Variants in C12orf42 observed in about 807,000 individuals in gnomAD.
The protein encoded by C12orf42 is uncharacterized protein C12orf42.
Under a neutral mutation model 21.6 loss-of-function variants are expected in C12orf42, and 25 were observed. The observed-to-expected ratio is 1.16, with a 90% CI of 0.84 to 1.62. The LOEUF (loss-of-function observed/expected upper bound fraction) is 1.62. Among genes scored for constraint, C12orf42 ranks in the 40% most tolerant of loss-of-function variants. The pLI is 0.00. For synonymous variants in C12orf42, 174 were observed against 175.0 expected (o/e 0.99, Z 0.05); for missense variants, 483 against 459.3 (o/e 1.05, Z -0.47).
At chr12:103,551,038 A>C in the C12orf42 span, among the ~76,000 whole-genome samples, 1 of 152,042 alleles carries the variant, frequency 6.6e-6, no homozygotes, top group Admixed American at 6.5e-5. Context: ...TGTTATTTTT[A>C]TATTTAAAAT....
chr12:103,230,302 AT>A, the C12orf42 span, among the ~76,000 whole-genome samples: 34 of 147,842 alleles, frequency 2.3e-4, no homozygotes, highest in Admixed American at 2.7e-4. Flanking sequence ...TGTTGGAAGA[AT>A]TTTTTTTTTT....
the C12orf42 span, among the ~76,000 whole-genome samples, chr12:103,523,902 A>T: frequency 6.6e-6 from 1 of 151,924 alleles, no homozygotes; most frequent in Admixed American, 6.5e-5. Flanking sequence ...TAAGATCAGG[A>T]TGGAGGCCTG....
chr12:103,224,772 A>G, the C12orf42 span, among the ~76,000 whole-genome samples: 3 of 152,324 alleles, frequency 2.0e-5, no homozygotes, highest in African/African-American at 7.2e-5. Flanking sequence ...CACTGCACAC[A>G]GACATGAGGG....
At chr12:103,116,725 C>T in the C12orf42 span, among the ~76,000 whole-genome samples, 1 of 152,146 alleles carries the variant, frequency 6.6e-6, no homozygotes, top group Non-Finnish European at 1.5e-5. Flanking sequence ...CACTGAGTCT[C>T]ATTAGGTTCT....
chr12:103,223,499 A>T, the C12orf42 span, among the ~76,000 whole-genome samples: 1 of 152,232 alleles, frequency 6.6e-6, no homozygotes, highest in Admixed American at 6.5e-5. Flanking sequence ...GAGATTCAGC[A>T]TAGTCCTGCC....
At chr12:103,195,557 T>A in the C12orf42 span, among the ~76,000 whole-genome samples, 6 of 152,190 alleles carry the variant, frequency 3.9e-5, no homozygotes, top group African/African-American at 1.4e-4. Context: ...ATGTTAAGCA[T>A]GTTTTCATAT....
chr12:103,367,918 A>G (rs912662702), intron 4 of C12orf42: 28 of 461,788 alleles, frequency 6.1e-5, no homozygotes, highest in African/African-American at 5.5e-4. Context: ...TGATATGAAT[A>G]CATATGTAAT....
chr12:103,401,325 T>C (rs910084274), intron 3 of C12orf42, among the ~76,000 whole-genome samples: 11 of 152,188 alleles, frequency 7.2e-5, no homozygotes, highest in Non-Finnish European at 1.0e-4. Flanking sequence ...AGACCCCTAA[T>C]GCACTGTGAT....
chr12:103,282,044 TATGA>T (rs2036174001), intron 4 of C12orf42, among the ~76,000 whole-genome samples: 1 of 152,224 alleles, frequency 6.6e-6, no homozygotes, highest in Non-Finnish European at 1.5e-5. Flanking sequence ...TCTCGAGTTA[TATGA>T]ACCAATAACC....
the C12orf42 span, among the ~76,000 whole-genome samples, chr12:103,501,478 G>A: frequency 6.6e-6 from 1 of 152,226 alleles, no homozygotes; most frequent in South Asian, 2.1e-4. Context: ...TGATGTTAGT[G>A]AGCGCAGAGT....
At chr12:103,369,437 C>T (rs1407589965) in intron 3 of C12orf42, among the ~76,000 whole-genome samples, 1 of 150,894 alleles carries the variant, frequency 6.6e-6, no homozygotes, top group Non-Finnish European at 1.5e-5. Context: ...CATTTTCATA[C>T]AGGGTGATAC....
At chr12:103,191,702 C>G in the C12orf42 span, among the ~76,000 whole-genome samples, 1 of 147,816 alleles carries the variant, frequency 6.8e-6, no homozygotes, top group South Asian at 2.1e-4. Flanking sequence ...GAGATTGCAC[C>G]ACTGTACCCC....
chr12:103,555,204 G>GA, the C12orf42 span, among the ~76,000 whole-genome samples: 1 of 152,052 alleles, frequency 6.6e-6, no homozygotes, highest in African/African-American at 2.4e-5. Context: ...AAGACTGGGG[G>GA]AAAAAAGAGG....
the C12orf42 span, among the ~76,000 whole-genome samples, chr12:103,103,177 T>C: frequency 1.3e-5 from 2 of 152,170 alleles, no homozygotes; most frequent in African/African-American, 2.4e-5. Flanking sequence ...ATAGGTTCCT[T>C]CCAAGCTCAA....
chr12:103,113,003 G>A, the C12orf42 span, among the ~76,000 whole-genome samples: 48 of 152,208 alleles, frequency 3.2e-4, no homozygotes, highest in African/African-American at 1.1e-3. Flanking sequence ...GGAGACTTTT[G>A]AACTTGTAGA....
At chr12:103,176,681 G>A in the C12orf42 span, among the ~76,000 whole-genome samples, 1 of 152,248 alleles carries the variant, frequency 6.6e-6, no homozygotes, top group East Asian at 1.9e-4. Context: ...GATAGTCATG[G>A]CAGGACCAGG....
chr12:103,155,827 G>A, the C12orf42 span, among the ~76,000 whole-genome samples: 1 of 150,338 alleles, frequency 6.7e-6, no homozygotes, highest in Non-Finnish European at 1.5e-5. Context: ...ATATAGATAT[G>A]TGTGTATATA....
intron 4 of C12orf42, among the ~76,000 whole-genome samples, chr12:103,362,056 A>G (rs901723721): frequency 6.6e-6 from 1 of 152,180 alleles, no homozygotes; most frequent in Non-Finnish European, 1.5e-5. Flanking sequence ...AACCAGCACA[A>G]AAACAGTGCA....
intron 10 of C12orf42, among the ~76,000 whole-genome samples, chr12:103,246,575 C>A (rs1287703627): frequency 6.6e-6 from 1 of 151,886 alleles, no homozygotes; most frequent in African/African-American, 2.4e-5. Context: ...TGGATATAAC[C>A]CTTGGAACCT....
Sources: gnomAD v4.1 joint callset for allele counts (sites outside exome capture counted in the v4.1 genomes callset) on GRCh38, gnomAD v4.1.1 for gene constraint, MANE v1.5 for transcripts, NCBI Gene and HGNC (gene_info 2026-07-23, HGNC 2026-07-21) for gene names.